The following OSBPL2 variants were observed in gnomAD, a reference collection of about 807,000 sequenced individuals.
The protein encoded by OSBPL2 is oxysterol binding protein like 2, also known as oxysterol-binding protein-related protein 2.
OSBPL2 carries 18 observed loss-of-function variants against 58.4 expected under a neutral mutation model. The observed-to-expected ratio is 0.31, with a 90% CI of 0.21 to 0.46. OSBPL2 has a LOEUF of 0.46. OSBPL2 is among the 20% of genes least tolerant of loss of function. The pLI, the probability that OSBPL2 is intolerant of heterozygous loss-of-function variation, is 1.00. For missense variants in OSBPL2, 461 were observed against 616.5 expected (o/e 0.75, Z 2.67); for synonymous variants, 221 against 234.1 (o/e 0.94, Z 0.51).
intron 4 of OSBPL2, among the ~76,000 whole-genome samples, chr20:62,268,059 T>G (rs1385796561): frequency 6.7e-6 from 1 of 148,942 alleles, no homozygotes; most frequent in African/African-American, 2.5e-5. Flanking sequence ...ATTTTTTTTT[T>G]TTTTTTTTTT....
At chr20:62,248,255 A>G (rs537273681) in intron 1 of OSBPL2, among the ~76,000 whole-genome samples, 1 of 149,128 alleles carries the variant, frequency 6.7e-6, no homozygotes, top group Admixed American at 6.7e-5. Flanking sequence ...CCCAGGTTCA[A>G]GCGATTCTCC....
intron 7 of OSBPL2, 111 bp from the exon 8 acceptor site, chr20:62,280,947 C>T (rs1982739613): frequency 1.3e-6 from 1 of 763,812 alleles, no homozygotes; most frequent in Non-Finnish European, 2.4e-6. Context: ...GTGCTGCTCT[C>T]CCGCGGGTGC....
intron 9 of OSBPL2, among the ~76,000 whole-genome samples, chr20:62,283,079 A>G (rs1198411671): frequency 6.6e-6 from 1 of 152,160 alleles, no homozygotes; most frequent in Non-Finnish European, 1.5e-5. Flanking sequence ...GTTTCCAGAA[A>G]TAGGCGGGGG....
chr20:62,248,703 T>TA (rs59382085), intron 1 of OSBPL2, among the ~76,000 whole-genome samples: 3 of 149,670 alleles, frequency 2.0e-5, no homozygotes, highest in Admixed American at 6.7e-5. Context: ...TTTATTTATT[T>TA]TTTAAGAGAC....
chr20:62,275,201 T>A (rs1015836501), intron 6 of OSBPL2, among the ~76,000 whole-genome samples: 1 of 151,972 alleles, frequency 6.6e-6, no homozygotes, highest in Non-Finnish European at 1.5e-5. Flanking sequence ...CGTGTCTCTT[T>A]AAAAAAAATG....
intron 12 of OSBPL2, among the ~76,000 whole-genome samples, chr20:62,289,749 C>T (rs1983368264): frequency 1.3e-5 from 2 of 152,034 alleles, no homozygotes; most frequent in African/African-American, 2.4e-5. Flanking sequence ...ACTAAAAATA[C>T]AAGAGATTAG....
chr20:62,252,016 G>C lies in OSBPL2; in HGVS notation c.-128-4041G>C, dbSNP rs572040205. Reference sequence around the variant, plus strand: ...TCCACTTCAGCCTCCTGTGTAGCTGGGACCATAGGTGGGCGCACCACCACA... The same window carrying C: ...TCCACTTCAGCCTCCTGTGTAGCTGCGACCATAGGTGGGCGCACCACCACA... On this transcript the variant is annotated intron_variant, in intron 1 of 13. Coordinates refer to ENST00000313733, the MANE Select transcript of OSBPL2 (RefSeq NM_144498.4). 5.3e-5 allele frequency among the ~76,000 whole-genome samples: 8 copies of C among 151,194 alleles called. No individual in the cohort carries two copies. In the East Asian group the frequency reaches 1.6e-3, roughly 30 times the overall value.
rs550760901 is a variant in OSBPL2 at position 62,269,052 on chromosome 20, C to G, written c.259-3073C>G. ...GCTGCCTAGGCGACAGTGTGAGACT[C>G]CAACTCAAAAAAAAAAAAAATGTTT... On this transcript the variant is annotated intron_variant, in intron 4 of 13. Coordinates refer to ENST00000313733, the MANE Select transcript of OSBPL2 (RefSeq NM_144498.4). The surrounding 1 kb of genome is among the most constrained non-coding windows in gnomAD (Gnocchi z 4.2). 5.7e-4 allele frequency among the ~76,000 whole-genome samples: 86 copies of G among 151,350 alleles called. No individual in the cohort carries two copies. In the Middle Eastern group the frequency reaches 0.014, roughly 24 times the overall value.
At position 62,259,110 on chromosome 20, in the gene OSBPL2, C is replaced by G. The variant is rs569411191; in HGVS notation, c.38-871C>G. The G allele has an allele frequency of 5.2e-5, 8 of 152,446 alleles. No individual in the cohort carries two copies. In the East Asian group the frequency reaches 1.3e-3, roughly 26 times the overall value. 9.4% of individuals were successfully genotyped at this position (152,446 alleles called of 1,614,324 possible). ...GCTTGTGCCCCTCACGTGGAGCCCTCAGACCCTGGAAGCACTGGGTGGTTG... is the reference window on the plus strand; with the variant it reads ...GCTTGTGCCCCTCACGTGGAGCCCTGAGACCCTGGAAGCACTGGGTGGTTG... On this transcript the variant is annotated intron_variant, in intron 2 of 13. Transcript: ENST00000313733.
chr20:62,247,826 G>A (rs1414580770), intron 1 of OSBPL2, among the ~76,000 whole-genome samples: 11 of 152,066 alleles, frequency 7.2e-5, no homozygotes, highest in East Asian at 3.9e-4. Flanking sequence ...CACCATGTCC[G>A]GCTAATTTTT....
At chr20:62,273,580 G>T (rs1783317030) in intron 6 of OSBPL2, among the ~76,000 whole-genome samples, 174 bp downstream of exon 6, 1 of 152,224 alleles carries the variant, frequency 6.6e-6, no homozygotes, top group African/African-American at 2.4e-5. Context: ...CACACGGGGT[G>T]TTGTGCTAGC....
At chr20:62,260,185 T>C in intron 3 of OSBPL2, 60 bp downstream of exon 3, 1 of 1,531,242 alleles carries the variant, frequency 6.5e-7, no homozygotes, top group Non-Finnish European at 9.0e-7. Flanking sequence ...AAAAATACTC[T>C]GCAGGGTACC....
At chr20:62,259,945 G>A (rs1489173226) in intron 2 of OSBPL2, 36 bp from the exon 3 acceptor site, 1 of 1,601,700 alleles carries the variant, frequency 6.2e-7, no homozygotes, top group Non-Finnish European at 8.5e-7. Flanking sequence ...AATCTTTCAG[G>A]TCCAGCGAAA....
intron 6 of OSBPL2, among the ~76,000 whole-genome samples, chr20:62,275,325 T>C (rs1452444484): frequency 6.6e-6 from 1 of 152,246 alleles, no homozygotes; most frequent in African/African-American, 2.4e-5. Flanking sequence ...TTAAAAACTT[T>C]TTCTAAATTA....
At position 62,278,998 on chromosome 20, in the gene OSBPL2, A is replaced by G. The variant is rs6062188; in HGVS notation, c.492-159A>G. On this transcript the variant is annotated intron_variant, in intron 6 of 13. Transcript: ENST00000313733. The stretch of plus-strand genomic sequence containing the variant: ...CTGTTGCCAACGTTAGGCCAAGTGC[A>G]ATGTCGGAGAGGTGGTGTTGGGTGT... The G allele has an allele frequency of 1, 599,427 of 600,244 alleles. 299,314 individuals carry two copies. The highest frequency in any genetic ancestry group is 1 in the Non-Finnish European group (344,301 of 344,398). 37.2% of individuals were successfully genotyped at this position (600,244 alleles called of 1,614,324 possible).
rs187780465 is a variant in OSBPL2 at position 62,280,918 on chromosome 20, G to A, written c.675-140G>A. 1.0e-3 allele frequency: 666 copies of A among 663,068 alleles called. 2 individuals carry two copies. The African/African-American group carries it at 0.011, about 11-fold the overall frequency. 41.1% of individuals were successfully genotyped at this position (663,068 alleles called of 1,614,324 possible). The stretch of plus-strand genomic sequence containing the variant: ...GCATGCTAAATACACAGCCTCCGTC[G>A]CAGGGGCTTCAAAGCAGCGTGCTGC... On this transcript the variant is annotated intron_variant, in intron 7 of 13. Transcript: ENST00000313733.
rs1983711524 is a variant in OSBPL2, at chr20:62,294,097, C to T, written c.*210C>T. On this transcript the variant is annotated 3_prime_UTR_variant, in exon 14 of 14. Transcript: ENST00000313733. ...TGTGCCGTCTCTTCATAAAGCTTCA[C>T]TTGGGATCATCGTCTTCATTAAGGT... 2 of 651,546 alleles carry T rather than the reference C, an allele frequency of 3.1e-6. No homozygotes were observed. Among genetic ancestry groups the T allele is most frequent in the Non-Finnish European group, 5.0e-6 (2 of 402,822 alleles). The allele number at this position is 651,546 out of a possible 1,614,324, so 40.4% of individuals were successfully genotyped here. A position where few individuals can be genotyped will look rare whatever the true frequency, so the allele number is the denominator to read the frequency against.
intron 3 of OSBPL2, among the ~76,000 whole-genome samples, chr20:62,262,099 G>A (rs540828685): frequency 1.4e-4 from 19 of 136,076 alleles, no homozygotes; most frequent in Middle Eastern, 3.8e-3. Flanking sequence ...CCCCCACCCC[G>A]TCACCCTCTG....
intron 10 of OSBPL2, chr20:62,284,488 C>G (rs1982990935): frequency 3.0e-6 from 1 of 335,446 alleles, no homozygotes; most frequent in Non-Finnish European, 5.7e-6. Context: ...GCAATCCTCC[C>G]TCCTTAGCCT....
Sources: gnomAD v4.1 joint callset for allele counts (sites outside exome capture counted in the v4.1 genomes callset) on GRCh38, gnomAD v4.1.1 for gene constraint, Gnocchi (gnomAD v3.1) non-coding constraint, MANE v1.5 for transcripts, NCBI Gene and HGNC (gene_info 2026-07-23, HGNC 2026-07-21) for gene names.